Variants in HERC1 observed in about 807,000 individuals in gnomAD.
HERC1 encodes HECT and RLD domain containing E3 ubiquitin protein ligase family member 1, also known as probable E3 ubiquitin-protein ligase HERC1.
HERC1 carries 160 observed loss-of-function variants against 554.3 expected under a neutral mutation model. The ratio of observed to expected loss-of-function variants is 0.29; its 90% CI spans 0.25 to 0.33. HERC1 has a LOEUF of 0.33. Ranked by LOEUF, HERC1 falls within the 10% of genes least tolerant of loss-of-function variation. HERC1 has a pLI of 1.00. For synonymous variants in HERC1, 2,175 were observed against 2,131.7 expected, an observed-to-expected ratio of 1.02 and a Z score of -0.56; for missense variants, 4,919 against 5,918.5, an observed-to-expected ratio of 0.83 and a Z score of 5.54.
At chr15:63,769,705 A>T (rs750810967) in intron 2 of HERC1, among the ~76,000 whole-genome samples, 24 of 151,894 alleles carry the variant, frequency 1.6e-4, no homozygotes, top group Non-Finnish European at 2.6e-4. Context: ...AATATAAAAA[A>T]ATTAGCCAGG....
chr15:63,766,529 A>G (rs1179148418), intron 2 of HERC1, among the ~76,000 whole-genome samples: 1 of 152,226 alleles, frequency 6.6e-6, no homozygotes, highest in Admixed American at 6.5e-5. Flanking sequence ...CGGAGGTTGC[A>G]GATCGCACCA....
intron 1 of HERC1, among the ~76,000 whole-genome samples, chr15:63,778,222 G>C (rs927114675): frequency 1.3e-5 from 2 of 152,156 alleles, no homozygotes; most frequent in African/African-American, 4.8e-5. Context: ...GCAAGCAAAG[G>C]CAGACTAAGA....
At chr15:63,817,410 G>A (rs1429316347) in intron 1 of HERC1, among the ~76,000 whole-genome samples, 1 of 152,078 alleles carries the variant, frequency 6.6e-6, no homozygotes, top group African/African-American at 2.4e-5. Flanking sequence ...GTATGTCAAG[G>A]ATTTGATTTA....
At chr15:63,829,561 G>GTGTGTATATATA (rs1220043639) in intron 1 of HERC1, among the ~76,000 whole-genome samples, 15 of 81,732 alleles carry the variant, frequency 1.8e-4, no homozygotes, top group South Asian at 1.2e-3. Context: ...GTGTGTGTGT[G>GTGTGTATATATA]TATATATATA....
intron 19 of HERC1, among the ~76,000 whole-genome samples, chr15:63,719,311 G>A (rs1434862027): frequency 6.6e-6 from 1 of 152,204 alleles, no homozygotes; most frequent in African/African-American, 2.4e-5. Flanking sequence ...GGGGGAAAAA[G>A]CTTGTGAAAA....
chr15:63,678,293 C>G lies in HERC1; in HGVS notation c.6622G>C (p.Val2208Leu), dbSNP rs1445725789. The G allele has an allele frequency of 6.2e-7, 1 of 1,613,624 alleles. No individual in the cohort carries two copies. Among genetic ancestry groups the G allele is most frequent in the East Asian group, 2.2e-5 (1 of 44,856 alleles). The change falls in exon 37 of 78, where the codon GTA (valine) becomes CTA (leucine). Residue 2208 changes from valine (V) to leucine (L), a missense_variant. Val to Leu is a conservative substitution (Grantham distance 32). Coordinates refer to ENST00000443617, the MANE Select transcript of HERC1 (RefSeq NM_003922.4). ...LLPGDPICSPVAAVLAEATIQ... is the reference protein window; with the variant it reads ...LLPGDPICSPLAAVLAEATIQ... ...GTGGCCTCAGCCAGCACTGCTGCTA[C>G]TGGACTACAAATAGGGTCTCCTGGA...
intron 2 of HERC1, among the ~76,000 whole-genome samples, chr15:63,771,345 T>A (rs2075950008): frequency 6.6e-6 from 1 of 152,156 alleles, no homozygotes; most frequent in South Asian, 2.1e-4. Context: ...AAATTCAATC[T>A]AATGTAGGCC....
At chr15:63,651,421 A>G in intron 52 of HERC1, 41 bp from the exon 53 acceptor site, 1 of 1,574,974 alleles carries the variant, frequency 6.3e-7, no homozygotes, top group Non-Finnish European at 8.6e-7. Flanking sequence ...AATCCCCATC[A>G]TTCAAAAGTA....
intron 1 of HERC1, among the ~76,000 whole-genome samples, chr15:63,827,423 TAAA>T (rs879424249): frequency 7.1e-6 from 1 of 141,068 alleles, no homozygotes; most frequent in Admixed American, 7.1e-5. Flanking sequence ...GACTGTGTCT[TAAA>T]AAAAAAAAAG....
chr15:63,753,421 C>T (rs760074733), intron 7 of HERC1, among the ~76,000 whole-genome samples: 41 of 152,126 alleles, frequency 2.7e-4, no homozygotes, highest in Non-Finnish European at 4.3e-4. Flanking sequence ...TATACAGGTA[C>T]TATATGCGTA....
chr15:63,734,677 A>G lies in HERC1; in HGVS notation c.2646+47T>C, dbSNP rs573958124. On this transcript the variant is annotated intron_variant, in intron 13 of 77. Coordinates refer to ENST00000443617, the MANE Select transcript of HERC1 (RefSeq NM_003922.4). This position sits in a 1 kb window ranked among gnomAD's most constrained non-coding sequence, Gnocchi z 4.6. The stretch of plus-strand genomic sequence containing the variant: ...TAGTTTTATTTCCTTCTCAGTCCAA[A>G]TTTTTAGGATACTACTGGTTTACTT... 1.6e-5 allele frequency: 24 copies of G among 1,473,206 alleles called. No individual in the cohort carries two copies. The East Asian group carries it at 2.5e-4, about 16-fold the overall frequency. The allele number at this position is 1,473,206 out of a possible 1,614,324, so 91.3% of individuals were successfully genotyped here. A position where few individuals can be genotyped will look rare whatever the true frequency, so the allele number is the denominator to read the frequency against.
intron 1 of HERC1, among the ~76,000 whole-genome samples, chr15:63,802,872 T>C (rs1010375596): frequency 2.0e-5 from 3 of 152,234 alleles, no homozygotes; most frequent in African/African-American, 7.2e-5. Flanking sequence ...AAGCACTTTC[T>C]ATGTGGCAGA....
chr15:63,645,517 C>A lies in HERC1; in HGVS notation c.11044G>T (p.Gly3682Trp), dbSNP rs1457209789. 3 of 1,611,550 alleles carry A rather than the reference C, an allele frequency of 1.9e-6. No individual in the cohort carries two copies. The highest frequency in any genetic ancestry group is 2.5e-6 in the Non-Finnish European group (3 of 1,179,036). ...VNGIAWCRLP[G>W]KGSKLQLLMA... ...AGTAACTGCAACTTGGATCCTTTCC[C>A]TGGAAGGCGGCACCAAGCAATGCCA... The change falls in exon 56 of 78, where the codon GGG becomes TGG. Residue 3682 changes from glycine (G) to tryptophan (W), a missense_variant. Gly to Trp is a radical substitution (Grantham distance 184). Coordinates refer to ENST00000443617, the MANE Select transcript of HERC1 (RefSeq NM_003922.4).
chr15:63,615,826 T>C lies in HERC1; in HGVS notation c.14036A>G (p.Asn4679Ser). 1.2e-6 allele frequency: 2 copies of C among 1,608,194 alleles called. No individual in the cohort carries two copies. Among genetic ancestry groups the C allele is most frequent in the Non-Finnish European group, 1.7e-6 (2 of 1,177,874 alleles). ...GGCCCTCTCCACATATTCCTTCCTGTTGGAAAATGTGAGTGGGATACTATT... is the reference window on the plus strand; with the variant it reads ...GGCCCTCTCCACATATTCCTTCCTGCTGGAAAATGTGAGTGGGATACTATT... ...GGNSIPLTFS[N>S]RKEYVERAIE... Residue 4679 changes from asparagine (N) to serine (S), a missense_variant, in exon 76 of 78, where the codon AAC (asparagine) becomes AGC (serine). Asn to Ser is a conservative substitution (Grantham distance 46, BLOSUM62 1). Around this residue, in one of 11 missense-constraint regions of HERC1, gnomAD observed 284 missense variants for 294.1 expected, o/e 0.97. Coordinates refer to ENST00000443617, the MANE Select transcript of HERC1 (RefSeq NM_003922.4).
At chr15:63,778,413 C>T (rs561953133) in intron 1 of HERC1, among the ~76,000 whole-genome samples, 161 of 152,040 alleles carry the variant, frequency 1.1e-3, no homozygotes, top group Non-Finnish European at 1.9e-3. Context: ...GCAGAAGGCA[C>T]GGTTTAAGAC....
intron 22 of HERC1, 59 bp downstream of exon 22, chr15:63,716,243 T>C (rs2073550518): frequency 2.0e-6 from 3 of 1,463,906 alleles, no homozygotes; most frequent in African/African-American, 1.4e-5. Context: ...TTCAAGTTAG[T>C]TCCCCTATCA....
At chr15:63,789,437 C>T (rs1320122351) in intron 1 of HERC1, among the ~76,000 whole-genome samples, 3 of 151,926 alleles carry the variant, frequency 2.0e-5, no homozygotes, top group Non-Finnish European at 4.4e-5. Context: ...AAAACAAAAC[C>T]ATTAGCAGTA....
rs1595905218 is a variant in HERC1, at chr15:63,656,438, C to T, written c.9600-80G>A. The T allele has an allele frequency of 4.9e-6, 6 of 1,212,280 alleles. No individual in the cohort carries two copies. In the East Asian group the frequency reaches 1.4e-4, roughly 29 times the overall value. The allele number at this position is 1,212,280 out of a possible 1,614,324, so 75.1% of individuals were successfully genotyped here. ...ACCATTTGCAGTCCCACATAACATT[C>T]ACAGCATCAACAACCATAATAAAAT... On this transcript the variant is annotated intron_variant, in intron 48 of 77. Coordinates refer to ENST00000443617, the MANE Select transcript of HERC1 (RefSeq NM_003922.4).
intron 2 of HERC1, among the ~76,000 whole-genome samples, chr15:63,773,113 T>C (rs1194749014): frequency 2.6e-5 from 4 of 152,160 alleles, no homozygotes; most frequent in Non-Finnish European, 5.9e-5. Context: ...AATAGATTTG[T>C]TGGTTGACAT....
Sources: gnomAD v4.1 joint callset for allele counts (sites outside exome capture counted in the v4.1 genomes callset) on GRCh38, gnomAD v4.1.1 for gene constraint, gnomAD v4.1.1 regional missense constraint, Gnocchi (gnomAD v3.1) non-coding constraint, MANE v1.5 for transcripts, NCBI Gene and HGNC (gene_info 2026-07-23, HGNC 2026-07-21) for gene names.